TMPRSS15: variants seen among roughly 807,000 people sequenced by gnomAD.
TMPRSS15 encodes the protein transmembrane serine protease 15, also known as enteropeptidase.
Under a neutral mutation model 125.3 loss-of-function variants are expected in TMPRSS15, and 128 were observed. The observed-to-expected ratio is 1.02, with a 90% CI of 0.89 to 1.18. The LOEUF (loss-of-function observed/expected upper bound fraction) is 1.18, where lower values mean the gene tolerates loss of function less well. TMPRSS15 is among the 50% of genes most tolerant of loss of function. The probability of loss-of-function intolerance (pLI) is 0.00; values close to 1 mark genes in which losing one functional copy is unlikely to be tolerated. For missense variants in TMPRSS15, 1,283 were observed against 1,212.7 expected (o/e 1.06, Z -0.86); for synonymous variants, 446 against 423.2 (o/e 1.05, Z -0.66).
At chr21:18,292,655 T>C (rs115192276) in intron 21 of TMPRSS15, among the ~76,000 whole-genome samples, 2,426 of 152,310 alleles carry the variant, frequency 0.016, 69 homozygotes, top group African/African-American at 0.056. Context: ...AATTCAAGGT[T>C]GATATAGCAA....
intron 17 of TMPRSS15, 65 bp from the exon 18 acceptor site, chr21:18,313,142 T>A: frequency 1.7e-6 from 2 of 1,144,586 alleles, no homozygotes; most frequent in East Asian, 4.7e-5. Context: ...TGGGAAGACA[T>A]CGTTCAAAGA....
chr21:18,290,827 A>G (rs1355360624), intron 21 of TMPRSS15, among the ~76,000 whole-genome samples: 1 of 62,460 alleles, frequency 1.6e-5, no homozygotes, highest in Non-Finnish European at 3.8e-5. Flanking sequence ...ACCTACTACG[A>G]AATTGTTCAG....
In TMPRSS15 at chr21:18,281,647, G is replaced by A. The variant is rs377355298; in HGVS notation, c.2487-426C>T. Among the ~76,000 whole-genome samples, 13 of 152,230 alleles carry A rather than the reference G, an allele frequency of 8.5e-5. No homozygotes were observed. The East Asian group carries it at 1.7e-3, about 20-fold the overall frequency. Reference sequence around the variant, plus strand: ...ATTTGTGCTACTATATATAATATATGGCTAGGTTGGAGAACCTCTGCCTTA... The same window carrying A: ...ATTTGTGCTACTATATATAATATATAGCTAGGTTGGAGAACCTCTGCCTTA... On this transcript the variant is annotated intron_variant, in intron 21 of 24. Transcript: ENST00000284885.
intron 15 of TMPRSS15, among the ~76,000 whole-genome samples, chr21:18,327,090 T>C (rs1375643547): frequency 2.6e-5 from 4 of 152,190 alleles, no homozygotes; most frequent in Non-Finnish European, 5.9e-5. Context: ...TCATAAACAA[T>C]AAAACATTCT....
chr21:18,288,765 A>G (rs1039293148), intron 21 of TMPRSS15, among the ~76,000 whole-genome samples: 1 of 151,202 alleles, frequency 6.6e-6, no homozygotes, highest in African/African-American at 2.4e-5. Flanking sequence ...CTGGTCTCAA[A>G]CTCCCGAGCT....
At chr21:18,362,088 A>G (rs981638021) in intron 7 of TMPRSS15, among the ~76,000 whole-genome samples, 2 of 152,164 alleles carry the variant, frequency 1.3e-5, no homozygotes, top group African/African-American at 4.8e-5. Flanking sequence ...ATGTCTGGTA[A>G]CCACCGGCAG....
chr21:18,434,821 T>C (rs1011269428), intron 1 of TMPRSS15, among the ~76,000 whole-genome samples: 1 of 92,702 alleles, frequency 1.1e-5, no homozygotes, highest in Non-Finnish European at 2.4e-5. Context: ...TAAATACATT[T>C]AAAAACTCAT....
intron 1 of TMPRSS15, among the ~76,000 whole-genome samples, chr21:18,409,367 C>A (rs1261881845): frequency 6.6e-6 from 1 of 151,954 alleles, no homozygotes; most frequent in Non-Finnish European, 1.5e-5. Flanking sequence ...CCTTTTATCT[C>A]AGGAAAAAAA....
intron 1 of TMPRSS15, among the ~76,000 whole-genome samples, chr21:18,472,164 G>C (rs1978791769): frequency 6.6e-6 from 1 of 151,848 alleles, no homozygotes; most frequent in African/African-American, 2.4e-5. Context: ...TGTTGCATCA[G>C]AAAAACATAC....
chr21:18,278,968 A>C lies in TMPRSS15; in HGVS notation c.2760T>G (p.Tyr920Ter), dbSNP rs1486482482. ...CSIAGWGTVV[Y>*]QGTTANILQE... is the part of the protein sequence containing the mutation. ...TTTTTGAGTCTGATAATTTACCTTG[A>C]TATACAACCGTCCCCCAACCAGCAA... Residue 920 changes from tyrosine to a stop codon, truncating the protein, a stop_gained, in exon 23 of 25, where the codon TAT becomes TAG. Coordinates refer to ENST00000284885, the MANE Select transcript of TMPRSS15 (RefSeq NM_002772.3). LOFTEE classifies it high-confidence loss of function. 1 of 836,190 alleles carries C rather than the reference A, an allele frequency of 1.2e-6. No individual in the cohort carries two copies. 51.8% of individuals were successfully genotyped at this position (836,190 alleles called of 1,614,324 possible).
intron 15 of TMPRSS15, among the ~76,000 whole-genome samples, chr21:18,328,920 T>C (rs951986265): frequency 1.3e-5 from 2 of 152,078 alleles, no homozygotes; most frequent in Non-Finnish European, 2.9e-5. Flanking sequence ...CCCATGAAAA[T>C]TAAGAACAAA....
In TMPRSS15 at chr21:18,351,287, G is replaced by A. The variant is rs1313217699; in HGVS notation, c.1171+1616C>T. Among the ~76,000 whole-genome samples, 5 of 152,208 alleles carry A rather than the reference G, an allele frequency of 3.3e-5. No homozygotes were observed. The East Asian group carries it at 9.6e-4, about 29-fold the overall frequency. On this transcript the variant is annotated intron_variant, in intron 10 of 24. Transcript: ENST00000284885. ...TCAATAACTTATTCAGAAATTACTT[G>A]AGTCAAAGTTGTAGATATTTATTTA... is the stretch of plus-strand genomic sequence containing the variant.
At chr21:18,420,358 C>G (rs2076189694) in intron 1 of TMPRSS15, among the ~76,000 whole-genome samples, 1 of 152,124 alleles carries the variant, frequency 6.6e-6, no homozygotes, top group South Asian at 2.1e-4. Context: ...TATTAAGTAG[C>G]TAGGTGGCAG....
At chr21:18,305,599 A>T (rs1227516075) in intron 18 of TMPRSS15, among the ~76,000 whole-genome samples, 1 of 152,162 alleles carries the variant, frequency 6.6e-6, no homozygotes, top group African/African-American at 2.4e-5. Flanking sequence ...TAAGAGTCTG[A>T]GGCTGAGACT....
At chr21:18,371,267 T>C (rs2075789532) in intron 6 of TMPRSS15, among the ~76,000 whole-genome samples, 1 of 152,184 alleles carries the variant, frequency 6.6e-6, no homozygotes, top group Non-Finnish European at 1.5e-5. Flanking sequence ...TTATACATTG[T>C]TTATTTCTGG....
Position 18,352,908 on chromosome 21 carries a change from G to C in TMPRSS15, c.1166C>G (p.Ala389Gly), listed in dbSNP as rs1429876624. 3.7e-6 allele frequency: 6 copies of C among 1,611,816 alleles called. No individual in the cohort carries two copies. Among genetic ancestry groups the C allele is most frequent in the Non-Finnish European group, 5.1e-6 (6 of 1,178,588 alleles). The change falls in exon 10 of 25, where the codon GCT becomes GGT. Residue 389 changes from alanine to glycine, a missense_variant. Transcript: ENST00000284885. ...CTGAATTAAATGAATTATACCTGAA[G>C]CATTGCCAAAAGTGTGGTCAAAATT... Reference protein sequence around the residue: ...GPNFDHTFGNASGFYISTPTG... With the variant: ...GPNFDHTFGNGSGFYISTPTG...
intron 1 of TMPRSS15, among the ~76,000 whole-genome samples, chr21:18,471,110 T>G (rs1170430743): frequency 6.6e-6 from 1 of 152,054 alleles, no homozygotes; most frequent in African/African-American, 2.4e-5. Context: ...ATAGGACTCA[T>G]TTTTTCTTGC....
intron 1 of TMPRSS15, among the ~76,000 whole-genome samples, chr21:18,461,647 A>G (rs1372865302): frequency 6.6e-6 from 1 of 152,196 alleles, no homozygotes; most frequent in Admixed American, 6.5e-5. Flanking sequence ...TTTATGGAAT[A>G]GTTTATGAAA....
At position 18,297,807 on chromosome 21, in the gene TMPRSS15, T is replaced by C. The variant is rs2074924265; in HGVS notation, c.2188A>G (p.Ile730Val). 6.2e-7 allele frequency: 1 copy of C among 1,613,454 alleles called. No individual in the cohort carries two copies. The highest frequency in any genetic ancestry group is 8.5e-7 in the Non-Finnish European group (1 of 1,179,538). The part of the protein sequence containing the change: ...GLGSGNSSKP[I>V]FPTDGGPFVK... ...AATGGTCCACCATCGGTAGGGAAGA[T>C]TGGCTTTGATGAGTTTCCACTCCTA... The change falls in exon 19 of 25, where the codon ATC becomes GTC. Residue 730 changes from isoleucine to valine, a missense_variant. Ile to Val is a conservative substitution (Grantham distance 29). Coordinates refer to ENST00000284885, the MANE Select transcript of TMPRSS15 (RefSeq NM_002772.3).
Sources: allele counts gnomAD v4.1 joint callset (sites outside exome capture counted in the v4.1 genomes callset), GRCh38; gene constraint gnomAD v4.1.1; transcripts MANE v1.5; gene names NCBI Gene and HGNC (gene_info 2026-07-23, HGNC 2026-07-21).